The following DPP6 variants were observed in gnomAD, a reference collection of about 807,000 sequenced individuals.
The protein encoded by DPP6 is dipeptidyl peptidase like 6, also known as A-type potassium channel modulatory protein DPP6.
A neutral mutation model predicts 122.6 loss-of-function variants in DPP6; 69 were observed. The observed-to-expected ratio is 0.56, with a 90% CI of 0.46 to 0.69. The LOEUF (loss-of-function observed/expected upper bound fraction) is 0.69, where lower values mean the gene tolerates loss of function less well. Ranked by LOEUF, DPP6 falls within the 30% of genes least tolerant of loss-of-function variation. The pLI, the probability that DPP6 is intolerant of heterozygous loss-of-function variation, is 0.00. For synonymous variants in DPP6, 418 were observed against 433.1 expected (o/e 0.97, Z 0.43); for missense variants, 928 against 1,116.9 (o/e 0.83, Z 2.41).
intron 1 of DPP6, among the ~76,000 whole-genome samples, chr7:154,368,410 T>C (rs1212330933): frequency 1.3e-5 from 2 of 152,206 alleles, no homozygotes; most frequent in African/African-American, 2.4e-5. Flanking sequence ...AATCATTATC[T>C]CTGGGGGTGA....
intron 1 of DPP6, chr7:154,305,648 AT>A: frequency 2.0e-6 from 3 of 1,483,702 alleles, no homozygotes. Context: ...GAGAGGGAGG[AT>A]ATGTATTTGG....
At chr7:154,142,244 G>A (rs1366493914) in intron 1 of DPP6, among the ~76,000 whole-genome samples, 1 of 151,606 alleles carries the variant, frequency 6.6e-6, no homozygotes, top group Non-Finnish European at 1.5e-5. Flanking sequence ...GCAAATATTT[G>A]AATTTAAGTG....
chr7:153,773,662 A>T, the DPP6 span, among the ~76,000 whole-genome samples: 1 of 151,680 alleles, frequency 6.6e-6, no homozygotes, highest in Non-Finnish European at 1.5e-5. Context: ...ACTACATCAA[A>T]GTATAAATAA....
At chr7:153,971,806 A>G (rs1486023777) in intron 1 of DPP6, among the ~76,000 whole-genome samples, 2 of 142,484 alleles carry the variant, frequency 1.4e-5, no homozygotes, top group African/African-American at 2.6e-5. Context: ...CTCCTCTCCA[A>G]CACCCTGCTC....
At chr7:153,948,013 C>T (rs888838921) in intron 1 of DPP6, among the ~76,000 whole-genome samples, 10 of 152,148 alleles carry the variant, frequency 6.6e-5, no homozygotes, top group South Asian at 4.1e-4. Flanking sequence ...CTCATAAAGA[C>T]ACTGGCATGT....
intron 7 of DPP6, among the ~76,000 whole-genome samples, chr7:154,722,062 G>A (rs1007216671): frequency 6.6e-6 from 1 of 152,106 alleles, no homozygotes; most frequent in Non-Finnish European, 1.5e-5. Context: ...GGCCGTGGTG[G>A]TGTGTGCCTG....
chr7:154,314,143 A>T (rs891734931), intron 1 of DPP6, among the ~76,000 whole-genome samples: 4 of 152,144 alleles, frequency 2.6e-5, no homozygotes, highest in Non-Finnish European at 4.4e-5. Context: ...GTGCTTTGGC[A>T]TGGATGCCCC....
the DPP6 span, among the ~76,000 whole-genome samples, chr7:153,805,014 C>A: frequency 6.6e-6 from 1 of 152,054 alleles, no homozygotes; most frequent in Non-Finnish European, 1.5e-5. Context: ...AAAAGCCAAC[C>A]CTGGATGTGA....
intron 16 of DPP6, among the ~76,000 whole-genome samples, chr7:154,838,218 G>C (rs1801237552): frequency 6.6e-6 from 1 of 152,226 alleles, no homozygotes; most frequent in Admixed American, 6.5e-5. Context: ...GACGATGTCA[G>C]GAATGTTTTT....
chr7:153,848,041 G>T, the DPP6 span, among the ~76,000 whole-genome samples: 1 of 152,154 alleles, frequency 6.6e-6, no homozygotes, highest in Admixed American at 6.5e-5. Flanking sequence ...GTCAAGCGAC[G>T]GATGAAAAAA....
chr7:153,776,838 T>G, the DPP6 span, among the ~76,000 whole-genome samples: 1 of 152,186 alleles, frequency 6.6e-6, no homozygotes, highest in African/African-American at 2.4e-5. Context: ...GGGAAAATAT[T>G]TGTGTGACAT....
intron 6 of DPP6, among the ~76,000 whole-genome samples, chr7:154,651,723 T>C (rs1315609787): frequency 1.3e-5 from 2 of 152,138 alleles, no homozygotes; most frequent in Admixed American, 6.5e-5. Context: ...GCCGTCCCAA[T>C]TTACAGATGG....
In DPP6 at chr7:154,241,749, T is replaced by C. The variant is rs967196357; in HGVS notation, c.243+188686T>C. Among the ~76,000 whole-genome samples, 1 of 152,176 alleles carries C rather than the reference T, an allele frequency of 6.6e-6. No homozygotes were observed. Among genetic ancestry groups the C allele is most frequent in the Non-Finnish European group, 1.5e-5 (1 of 68,036 alleles). On this transcript the variant is annotated intron_variant, in intron 1 of 25. Transcript: ENST00000377770. The surrounding 1 kb of genome is among the most constrained non-coding windows in gnomAD (Gnocchi z 9.0). ...CACGTGTCTAACCTGTTTCCCATAT[T>C]ATGTTTTAAGTTTAAAAAGATTGTC... is the stretch of plus-strand genomic sequence containing the variant.
intron 1 of DPP6, among the ~76,000 whole-genome samples, chr7:154,271,375 A>G (rs1024428469): frequency 6.6e-6 from 1 of 152,152 alleles, no homozygotes; most frequent in African/African-American, 2.4e-5. Flanking sequence ...GGAAGAGCCT[A>G]TTGAAATCAG....
intron 1 of DPP6, among the ~76,000 whole-genome samples, chr7:154,006,176 T>C (rs73729255): frequency 0.018 from 2,665 of 152,220 alleles, 75 homozygotes; most frequent in African/African-American, 0.059. Flanking sequence ...GCCCTGACCT[T>C]GGCCCTATAA....
At chr7:154,438,013 G>A (rs1477830000) in intron 1 of DPP6, among the ~76,000 whole-genome samples, 1 of 152,042 alleles carries the variant, frequency 6.6e-6, no homozygotes, top group African/African-American at 2.4e-5. Context: ...CCTAGTCTTC[G>A]AGTGTAAGTG....
the DPP6 span, among the ~76,000 whole-genome samples, chr7:153,786,740 G>GGAAAAAAAAA: frequency 3.8e-4 from 12 of 31,782 alleles, 1 homozygote; most frequent in South Asian, 2.0e-3. Flanking sequence ...CTCCGTCTCA[G>GGAAAAAAAAA]AAAAAAAAAA....
chr7:154,204,774 T>C (rs1478576489), intron 1 of DPP6, among the ~76,000 whole-genome samples: 1 of 107,338 alleles, frequency 9.3e-6, no homozygotes, highest in Non-Finnish European at 2.0e-5. Flanking sequence ...CTTAACTAGC[T>C]TGATGACCTT....
chr7:154,115,228 C>CA (rs1806895441), intron 1 of DPP6, among the ~76,000 whole-genome samples: 1 of 152,134 alleles, frequency 6.6e-6, no homozygotes, highest in South Asian at 2.1e-4. Context: ...GAGGTGCTGT[C>CA]CCCCCTTCTG....
Sources: allele counts gnomAD v4.1 joint callset (sites outside exome capture counted in the v4.1 genomes callset), GRCh38; gene constraint gnomAD v4.1.1; non-coding constraint Gnocchi (gnomAD v3.1); transcripts MANE v1.5; gene names NCBI Gene and HGNC (gene_info 2026-07-23, HGNC 2026-07-21).